PROS1: variants seen among roughly 807,000 people sequenced by gnomAD.
The protein encoded by PROS1 is protein S, also known as vitamin K-dependent protein S.
A neutral mutation model predicts 75.9 loss-of-function variants in PROS1; 29 were observed. That is an observed-to-expected ratio of 0.38 (90% CI 0.28 to 0.52). The LOEUF is 0.52. Among genes scored for constraint, PROS1 ranks in the 20% least tolerant of loss-of-function variants. The pLI, the probability that PROS1 is intolerant of heterozygous loss-of-function variation, is 0.83. For synonymous variants in PROS1, 245 were observed against 280.6 expected (o/e 0.87, Z 1.27); for missense variants, 680 against 810.3 (o/e 0.84, Z 1.95).
chr3:93,903,982 C>G (rs1286077953), intron 6 of PROS1, among the ~76,000 whole-genome samples: 1 of 130,092 alleles, frequency 7.7e-6, no homozygotes, highest in Admixed American at 9.1e-5. Context: ...CACCCTACAA[C>G]AGTCCCCAGA....
intron 1 of PROS1, among the ~76,000 whole-genome samples, chr3:93,932,634 A>T (rs1709122640): frequency 6.6e-6 from 1 of 152,250 alleles, no homozygotes; most frequent in Middle Eastern, 3.2e-3. Flanking sequence ...TGCAAACATG[A>T]ACTGGAATTC....
At chr3:93,886,203 G>T in intron 11 of PROS1, 133 bp downstream of exon 11, 1 of 728,058 alleles carries the variant, frequency 1.4e-6, no homozygotes, top group Non-Finnish European at 2.4e-6. Flanking sequence ...ATTTTTCCAT[G>T]ATCATTTCAA....
At chr3:93,890,994 A>G (rs1708423712) in intron 10 of PROS1, among the ~76,000 whole-genome samples, 1 of 151,978 alleles carries the variant, frequency 6.6e-6, no homozygotes. Flanking sequence ...AGTCCCAGCT[A>G]CTCGAGAGGC....
intron 6 of PROS1, among the ~76,000 whole-genome samples, chr3:93,903,294 AC>A (rs1338435611): frequency 6.6e-6 from 1 of 152,188 alleles, no homozygotes; most frequent in African/African-American, 2.4e-5. Context: ...TAATAAGAGC[AC>A]TTTTGTAATC....
In PROS1 at chr3:93,927,276, C is replaced by T; in HGVS notation, c.208G>A (p.Glu70Lys). 1 of 1,612,664 alleles carries T rather than the reference C, an allele frequency of 6.2e-7. No homozygotes were observed. The highest frequency in any genetic ancestry group is 8.5e-7 in the Non-Finnish European group (1 of 1,180,014). The change falls in exon 2 of 15, where the codon GAG becomes AAG. Residue 70 changes from glutamate (E) to lysine (K), a missense_variant. By Grantham distance (56) the Glu-to-Lys change is moderately conservative. Transcript: ENST00000394236. ...GTTTCCGGGTCATTTTCAAAGACCTCCCTGGCTTCTTCTTTATTGCACAGT... is the reference window on the plus strand; with the variant it reads ...GTTTCCGGGTCATTTTCAAAGACCTTCCTGGCTTCTTCTTTATTGCACAGT... ...EELCNKEEAR[E>K]VFENDPETDY... is the part of the protein sequence containing the mutation.
chr3:93,914,944 G>A (rs1015749093), intron 3 of PROS1, among the ~76,000 whole-genome samples: 1 of 152,042 alleles, frequency 6.6e-6, no homozygotes, highest in African/African-American at 2.4e-5. Context: ...CCATTCCTGA[G>A]TTACTTCACT....
chr3:93,884,945 T>A, intron 11 of PROS1, 49 bp from the exon 12 acceptor site: 2 of 1,502,462 alleles, frequency 1.3e-6, no homozygotes, highest in Admixed American at 1.8e-5. Context: ...ACTTAAACAG[T>A]GGCTCGATTA....
Position 93,908,493 on chromosome 3 carries a change from A to C in PROS1, c.346+2126T>G, listed in dbSNP as rs8178658. On this transcript the variant is annotated intron_variant, in intron 4 of 14. Transcript: ENST00000394236. The stretch of plus-strand genomic sequence containing the variant: ...CTATAAAGGCAGAGAGAGGGAAAAA[A>C]TGTGTGTGTATGGAAAGAGAGAGAG... Among the ~76,000 whole-genome samples, 500 of 152,268 alleles carry C rather than the reference A, an allele frequency of 3.3e-3. 5 individuals carry two copies. The highest frequency in any genetic ancestry group is 5.2e-3 in the Non-Finnish European group (357 of 68,018).
chr3:93,917,647 T>C (rs1426606811), intron 3 of PROS1, among the ~76,000 whole-genome samples: 1 of 152,068 alleles, frequency 6.6e-6, no homozygotes, highest in Non-Finnish European at 1.5e-5. Context: ...CTGGAGTTCC[T>C]GGTGGGCGTG....
chr3:93,887,118 C>T (rs1360599145), intron 10 of PROS1, among the ~76,000 whole-genome samples: 3 of 151,794 alleles, frequency 2.0e-5, no homozygotes, highest in Admixed American at 2.0e-4. Context: ...CGGGGTTTCA[C>T]CTTGTTAGCC....
At chr3:93,923,088 GATCCCAC>G (rs1708966592) in intron 3 of PROS1, among the ~76,000 whole-genome samples, 2 of 152,102 alleles carry the variant, frequency 1.3e-5, no homozygotes, top group Admixed American at 1.3e-4. Flanking sequence ...TCTGAGCCTG[GATCCCAC>G]ATCTTGTGTT....
At chr3:93,955,542 C>G (rs150541253) in intron 1 of PROS1, among the ~76,000 whole-genome samples, 1 of 150,490 alleles carries the variant, frequency 6.6e-6, no homozygotes. Context: ...CAGTTGGACA[C>G]GGGATGGAGA....
At chr3:93,933,652 G>T (rs1232527559) in intron 1 of PROS1, among the ~76,000 whole-genome samples, 1 of 151,946 alleles carries the variant, frequency 6.6e-6, no homozygotes, top group Non-Finnish European at 1.5e-5. Context: ...GGGCTGGCGT[G>T]GTGGCCCACA....
chr3:93,926,009 G>A (rs1425234625), intron 2 of PROS1, among the ~76,000 whole-genome samples: 4 of 151,826 alleles, frequency 2.6e-5, no homozygotes, highest in Non-Finnish European at 4.4e-5. Flanking sequence ...CCCTCACTGG[G>A]CTTTTGCTGC....
intron 1 of PROS1, among the ~76,000 whole-genome samples, chr3:93,957,792 T>C (rs1403701244): frequency 6.6e-6 from 1 of 152,128 alleles, no homozygotes; most frequent in East Asian, 1.9e-4. Flanking sequence ...TACGAAGAAA[T>C]ACCTAAGACT....
chr3:93,878,358 C>T (rs1174784668), intron 13 of PROS1, among the ~76,000 whole-genome samples: 3 of 152,172 alleles, frequency 2.0e-5, no homozygotes, highest in African/African-American at 2.4e-5. Context: ...AACTTCCCAT[C>T]CTCCTCCCTG....
intron 1 of PROS1, among the ~76,000 whole-genome samples, chr3:93,943,054 G>A (rs756436358): frequency 1.2e-4 from 18 of 152,142 alleles, no homozygotes; most frequent in Non-Finnish European, 2.4e-4. Flanking sequence ...TAATTCTTCA[G>A]TTTGGGCTTC....
intron 3 of PROS1, among the ~76,000 whole-genome samples, chr3:93,918,025 C>T (rs1312692028): frequency 6.6e-6 from 1 of 152,196 alleles, no homozygotes; most frequent in Non-Finnish European, 1.5e-5. Flanking sequence ...GCAGGATCCA[C>T]TGGGTTAAGC....
At position 93,877,012 on chromosome 3, in the gene PROS1, G is replaced by C; in HGVS notation, c.1824C>G (p.Asp608Glu). The C allele has an allele frequency of 5.6e-6, 9 of 1,613,844 alleles. No homozygotes were observed. Among genetic ancestry groups the C allele is most frequent in the Non-Finnish European group, 7.6e-6 (9 of 1,179,828 alleles). The change falls in exon 14 of 15, where the codon GAC becomes GAG. Residue 608 changes from aspartate (D) to glutamate (E), a missense_variant. Physicochemically the swap from Asp to Glu is conservative, Grantham distance 45 (BLOSUM62 2). Transcript: ENST00000394236. ...TGGCCACTTTTGCTTTCATTGCTTT[G>C]TCCAAGACGGCAAGTTGTCTTTGAA... ...EDLQRQLAVL[D>E]KAMKAKVATY... is the part of the protein sequence containing the mutation.
Sources: gnomAD v4.1 joint callset for allele counts (sites outside exome capture counted in the v4.1 genomes callset) on GRCh38, gnomAD v4.1.1 for gene constraint, MANE v1.5 for transcripts, NCBI Gene and HGNC (gene_info 2026-07-23, HGNC 2026-07-21) for gene names.